CUX1: variants seen among roughly 807,000 people sequenced by gnomAD.
The protein encoded by CUX1 is protein CASP.
CUX1 carries 31 observed loss-of-function variants against 158.8 expected under a neutral mutation model. The ratio of observed to expected loss-of-function variants is 0.20; its 90% confidence interval spans 0.15 to 0.26. CUX1 has a LOEUF of 0.26. Among genes scored for constraint, CUX1 ranks in the 10% least tolerant of loss-of-function variants. The pLI, the probability that CUX1 is intolerant of heterozygous loss-of-function variation, is 1.00. For synonymous variants in CUX1, 879 were observed against 862.1 expected (o/e 1.02, Z -0.34); for missense variants, 1,589 against 2,014.6 (o/e 0.79, Z 4.04).
At chr7:102,202,275 G>A (rs782471264) in intron 18 of CUX1, 71 bp downstream of exon 18, 25 of 1,521,310 alleles carry the variant, frequency 1.6e-5, no homozygotes, top group East Asian at 1.6e-4. Flanking sequence ...TATCTATCCC[G>A]CAGCCTGTGA....
intron 3 of CUX1, among the ~76,000 whole-genome samples, chr7:102,042,958 T>G (rs1485601220): frequency 6.6e-6 from 1 of 151,960 alleles, no homozygotes; most frequent in Non-Finnish European, 1.5e-5. Context: ...AATTTTATAT[T>G]TTTTCGATTT....
At chr7:101,825,921 G>T (rs898379312) in intron 1 of CUX1, among the ~76,000 whole-genome samples, 1 of 151,962 alleles carries the variant, frequency 6.6e-6, no homozygotes, top group African/African-American at 2.4e-5. Flanking sequence ...GAAACAGGTC[G>T]CAATCCATTA....
intron 2 of CUX1, among the ~76,000 whole-genome samples, chr7:101,937,781 G>A (rs1311235239): frequency 1.3e-5 from 2 of 152,126 alleles, no homozygotes; most frequent in African/African-American, 4.8e-5. Context: ...CCAAAGTGCT[G>A]GGATTACAGG....
intron 3 of CUX1, among the ~76,000 whole-genome samples, chr7:102,057,143 C>T (rs148174635): frequency 0.041 from 6,309 of 152,070 alleles, 137 homozygotes; most frequent in African/African-American, 0.055. Context: ...CCTCGTGATC[C>T]GCCCGCCGCA....
At chr7:102,190,560 C>G (rs2131903712) in intron 12 of CUX1, among the ~76,000 whole-genome samples, 1 of 152,278 alleles carries the variant, frequency 6.6e-6, no homozygotes, top group East Asian at 1.9e-4. Flanking sequence ...TCATACAGCT[C>G]CCCTGGATCG....
At chr7:101,818,496 C>T (rs1792121940) in intron 1 of CUX1, among the ~76,000 whole-genome samples, 1 of 152,090 alleles carries the variant, frequency 6.6e-6, no homozygotes, top group African/African-American at 2.4e-5. Context: ...CCTTCCTGTC[C>T]CCCATATTAG....
At chr7:102,198,696 CCTTT>C in intron 15 of CUX1, 102 bp from the exon 16 acceptor site, 1 of 982,508 alleles carries the variant, frequency 1.0e-6, no homozygotes, top group Non-Finnish European at 1.6e-6. Flanking sequence ...AGCCCTGAGC[CCTTT>C]CTTTAGTGAC....
At chr7:102,227,230 A>C in intron 20 of CUX1, 137 bp from the exon 21 acceptor site, 1 of 746,320 alleles carries the variant, frequency 1.3e-6, no homozygotes, top group East Asian at 2.5e-5. Flanking sequence ...GAAACAGTTC[A>C]CTAAGACCCA....
chr7:101,997,323 TG>T (rs1433552724), intron 2 of CUX1, among the ~76,000 whole-genome samples: 3 of 152,198 alleles, frequency 2.0e-5, no homozygotes, highest in Non-Finnish European at 2.9e-5. Context: ...TCTTTTGGTT[TG>T]TTTTTTTGTT....
At chr7:101,826,241 C>A (rs1793280200) in intron 1 of CUX1, among the ~76,000 whole-genome samples, 1 of 151,856 alleles carries the variant, frequency 6.6e-6, no homozygotes, top group Non-Finnish European at 1.5e-5. Context: ...TGCTCTGTTG[C>A]CGGCTGGAGT....
intron 19 of CUX1, 61 bp from the exon 20 acceptor site, chr7:102,205,053 T>G: frequency 8.3e-7 from 1 of 1,210,252 alleles, no homozygotes; most frequent in Non-Finnish European, 1.2e-6. Context: ...CACATTCAGT[T>G]AGGAAGCTTT....
intron 20 of CUX1, among the ~76,000 whole-genome samples, chr7:102,218,782 G>T (rs1797495854): frequency 6.6e-6 from 1 of 152,016 alleles, no homozygotes; most frequent in Non-Finnish European, 1.5e-5. Context: ...GCCAGGCACG[G>T]TGGCTCAGGC....
intron 1 of CUX1, among the ~76,000 whole-genome samples, chr7:101,819,935 C>T (rs1728921920): frequency 6.6e-6 from 1 of 152,178 alleles, no homozygotes; most frequent in Non-Finnish European, 1.5e-5. Context: ...AGGAATGATT[C>T]TCTCCTAAAT....
intron 14 of CUX1, among the ~76,000 whole-genome samples, chr7:102,266,931 C>T (rs1554545202): frequency 6.6e-6 from 1 of 152,030 alleles, no homozygotes; most frequent in South Asian, 2.1e-4. Flanking sequence ...AGGGAAGGGG[C>T]GTGTGTGCAT....
chr7:101,908,452 TTGTTTG>T (rs1164443274), intron 1 of CUX1, among the ~76,000 whole-genome samples: 3 of 22,314 alleles, frequency 1.3e-4, no homozygotes, highest in East Asian at 8.3e-4. Flanking sequence ...AGCCTGTTTT[TTGTTTG>T]TTTGTTTGTT....
In CUX1 at chr7:102,205,536, G is replaced by A. The variant is rs1402666123; in HGVS notation, c.3130+366G>A. On this transcript the variant is annotated intron_variant, in intron 20 of 23. Transcript: ENST00000292535. ...TCCCTCTCCTGGTGGGGTCATGTCGGGGGACTTCTTATCTAACCGGAAGAC... is the reference window on the plus strand; with the variant it reads ...TCCCTCTCCTGGTGGGGTCATGTCGAGGGACTTCTTATCTAACCGGAAGAC... Among the ~76,000 whole-genome samples, 3 of 152,102 alleles carry A rather than the reference G, an allele frequency of 2.0e-5. No individual in the cohort carries two copies. In the East Asian group the frequency reaches 5.8e-4, roughly 29 times the overall value.
At chr7:102,100,940 T>C (rs1211866429) in intron 5 of CUX1, among the ~76,000 whole-genome samples, 2 of 152,238 alleles carry the variant, frequency 1.3e-5, no homozygotes, top group Admixed American at 1.3e-4. Flanking sequence ...TGCCAGCCTC[T>C]GCCCAGCTTC....
At chr7:102,011,177 G>A (rs1020037481) in intron 2 of CUX1, among the ~76,000 whole-genome samples, 93 of 151,948 alleles carry the variant, frequency 6.1e-4, no homozygotes, top group African/African-American at 1.0e-3. Flanking sequence ...CGAGTAAGCC[G>A]TCTCTGGATA....
At chr7:101,925,098 C>A (rs1290185084) in intron 2 of CUX1, among the ~76,000 whole-genome samples, 1 of 152,126 alleles carries the variant, frequency 6.6e-6, no homozygotes, top group Non-Finnish European at 1.5e-5. Flanking sequence ...GGCCCACAGC[C>A]CTGATGTGAC....
Sources: allele counts gnomAD v4.1 joint callset (sites outside exome capture counted in the v4.1 genomes callset), GRCh38; gene constraint gnomAD v4.1.1; transcripts MANE v1.5; gene names NCBI Gene and HGNC (gene_info 2026-07-23, HGNC 2026-07-21).